Variants in METAP1 observed in about 807,000 individuals in gnomAD.
METAP1 encodes the protein methionine aminopeptidase 1.
METAP1 carries 28 observed loss-of-function variants against 53.8 expected under a neutral mutation model. That is an observed-to-expected ratio of 0.52 (90% CI 0.39 to 0.71). The LOEUF (loss-of-function observed/expected upper bound fraction) is 0.71, where lower values mean the gene tolerates loss of function less well. Among genes scored for constraint, METAP1 ranks in the 30% least tolerant of loss-of-function variants. The pLI, the probability that METAP1 is intolerant of heterozygous loss-of-function variation, is 0.00. For missense variants in METAP1, 389 were observed against 479.8 expected (o/e 0.81, Z 1.77); for synonymous variants, 181 against 165.7 (o/e 1.09, Z -0.71).
chr4:98,997,237 A>G (rs1722681729), intron 1 of METAP1: 1 of 152,656 alleles, frequency 6.6e-6, no homozygotes, highest in Non-Finnish European at 1.5e-5. Context: ...TTTACGTCAC[A>G]ATATTTGTAG....
chr4:99,044,749 G>A (rs1195019023), intron 7 of METAP1, among the ~76,000 whole-genome samples: 1 of 152,148 alleles, frequency 6.6e-6, no homozygotes, highest in Non-Finnish European at 1.5e-5. Context: ...AAAAAAACAG[G>A]TGTAGAGCAG....
At chr4:99,052,516 A>AAG (rs1049098064) in intron 9 of METAP1, among the ~76,000 whole-genome samples, 2 of 152,300 alleles carry the variant, frequency 1.3e-5, no homozygotes, top group South Asian at 2.1e-4. Context: ...GAGCAGGAGC[A>AAG]AGAGAGAGAG....
intron 8 of METAP1, among the ~76,000 whole-genome samples, chr4:99,046,955 A>AAAAAAAAAAG (rs1726308558): frequency 1.3e-5 from 2 of 150,692 alleles, no homozygotes; most frequent in African/African-American, 4.9e-5. Flanking sequence ...AAAAAAAAAA[A>AAAAAAAAAAG]AAAGAAAAAG....
At chr4:99,006,946 T>A (rs1406165960) in intron 1 of METAP1, among the ~76,000 whole-genome samples, 1 of 151,960 alleles carries the variant, frequency 6.6e-6, no homozygotes, top group African/African-American at 2.4e-5. Context: ...CCAACTGCTG[T>A]TAGATTTGTG....
At chr4:99,009,355 T>G (rs1176176901) in intron 1 of METAP1, among the ~76,000 whole-genome samples, 1 of 152,250 alleles carries the variant, frequency 6.6e-6, no homozygotes. Context: ...CTTGAGACCC[T>G]GCTTTCAGTT....
intron 2 of METAP1, among the ~76,000 whole-genome samples, chr4:99,031,164 T>C (rs1724997044): frequency 6.7e-6 from 1 of 148,932 alleles, no homozygotes; most frequent in Admixed American, 6.8e-5. Context: ...GATGGTAAAG[T>C]CCTTAATTAA....
intron 4 of METAP1, 131 bp downstream of exon 4, chr4:99,035,591 T>C: frequency 1.5e-6 from 1 of 653,304 alleles, no homozygotes; most frequent in Non-Finnish European, 2.6e-6. Context: ...CAAGCACCAT[T>C]AGAACATTGA....
intron 10 of METAP1, among the ~76,000 whole-genome samples, chr4:99,058,379 A>G (rs1727300488): frequency 6.6e-6 from 1 of 152,102 alleles, no homozygotes; most frequent in African/African-American, 2.4e-5. Flanking sequence ...TACTCATGTC[A>G]TCACGTGGCA....
At chr4:99,027,730 T>A (rs1015950163) in intron 1 of METAP1, among the ~76,000 whole-genome samples, 1 of 152,168 alleles carries the variant, frequency 6.6e-6, no homozygotes, top group Non-Finnish European at 1.5e-5. Context: ...TGTAGATACC[T>A]TTTTATACAT....
chr4:99,023,454 T>C (rs1724300000), intron 1 of METAP1: 3 of 972,650 alleles, frequency 3.1e-6, no homozygotes, highest in Non-Finnish European at 3.7e-6. Context: ...TCCTTTTAGT[T>C]ACCAGGTGAC....
chr4:99,059,488 C>T (rs1354359018), intron 10 of METAP1, among the ~76,000 whole-genome samples: 1 of 152,130 alleles, frequency 6.6e-6, no homozygotes, highest in Non-Finnish European at 1.5e-5. Flanking sequence ...TAGTTTACTT[C>T]ACTACAGAGT....
intron 8 of METAP1, 97 bp downstream of exon 8, chr4:99,045,407 G>A: frequency 1.4e-6 from 2 of 1,390,578 alleles, no homozygotes; most frequent in Non-Finnish European, 1.9e-6. Flanking sequence ...GTACCTTCCA[G>A]GTTGCCCCTG....
rs1201275527 is a variant in METAP1, at chr4:99,006,107, C to T, written c.114+10240C>T. Among the ~76,000 whole-genome samples the T allele has an allele frequency of 3.3e-5, 5 of 152,078 alleles. No homozygotes were observed. In the East Asian group the frequency reaches 7.7e-4, roughly 23 times the overall value. ...GTTGTTAACAGACTTTTTATTTTTG[C>T]CAGTCTGGAGTTGTGTATTACTCAT... On this transcript the variant is annotated intron_variant, in intron 1 of 10. Transcript: ENST00000296411.
At chr4:99,046,936 C>CAAAAAAAAAAAAAAA (rs56702946) in intron 8 of METAP1, among the ~76,000 whole-genome samples, 8 of 82,204 alleles carry the variant, frequency 9.7e-5, no homozygotes, top group Non-Finnish European at 1.3e-4. Flanking sequence ...ACTGAAGAAA[C>CAAAAAAAAAAAAAAA]AAAAAAAAAA....
At chr4:99,043,189 C>A in intron 6 of METAP1, 60 bp from the exon 7 acceptor site, 1 of 1,302,370 alleles carries the variant, frequency 7.7e-7, no homozygotes, top group Non-Finnish European at 1.0e-6. Flanking sequence ...ATTTTAAAAT[C>A]TGTAATTTCA....
At chr4:99,029,218 G>C (rs1306713282) in intron 2 of METAP1, among the ~76,000 whole-genome samples, 1 of 152,116 alleles carries the variant, frequency 6.6e-6, no homozygotes, top group Non-Finnish European at 1.5e-5. Flanking sequence ...TATGTTGCTG[G>C]AAGTGTTTGC....
Position 98,995,885 on chromosome 4 carries a change from C to G in METAP1, c.114+18C>G. On this transcript the variant is annotated intron_variant, in intron 1 of 10. Transcript: ENST00000296411. ...GCTCGCAGGTAGGCGCCCGCTGCCC[C>G]GCGGATATGCCGCCGCTGCGGGACC... 1 of 1,521,366 alleles carries G rather than the reference C, an allele frequency of 6.6e-7. No homozygotes were observed. Among genetic ancestry groups the G allele is most frequent in the South Asian group, 1.2e-5 (1 of 83,008 alleles). The allele number at this position is 1,521,366 out of a possible 1,614,324, so 94.2% of individuals were successfully genotyped here. A position where few individuals can be genotyped will look rare whatever the true frequency, so the allele number is the denominator to read the frequency against.
At chr4:99,009,939 A>G (rs750913434) in intron 1 of METAP1, among the ~76,000 whole-genome samples, 2 of 152,178 alleles carry the variant, frequency 1.3e-5, no homozygotes, top group Non-Finnish European at 2.9e-5. Context: ...CCAAACAATC[A>G]TTGCCTAGTC....
intron 6 of METAP1, among the ~76,000 whole-genome samples, chr4:99,042,441 G>A (rs190921213): frequency 2.6e-4 from 39 of 152,118 alleles, no homozygotes; most frequent in African/African-American, 8.4e-4. Context: ...CAGAAATTAC[G>A]TATACTGTGA....
Sources: gnomAD v4.1 joint callset for allele counts (sites outside exome capture counted in the v4.1 genomes callset) on GRCh38, gnomAD v4.1.1 for gene constraint, MANE v1.5 for transcripts, NCBI Gene and HGNC (gene_info 2026-07-23, HGNC 2026-07-21) for gene names.